EHBP1: variants seen among roughly 807,000 people sequenced by gnomAD.
EHBP1 encodes the protein EH domain binding protein 1, also known as EH domain-binding protein 1.
A neutral mutation model predicts 144.0 loss-of-function variants in EHBP1; 55 were observed. The ratio of observed to expected loss-of-function variants is 0.38; its 90% CI spans 0.31 to 0.48. The LOEUF is 0.48. Ranked by LOEUF, EHBP1 falls within the 20% of genes least tolerant of loss-of-function variation. EHBP1 has a pLI of 0.98. For missense variants in EHBP1, 1,200 were observed against 1,364.2 expected, an observed-to-expected ratio of 0.88 and a Z score of 1.90; for synonymous variants, 469 against 472.7, an observed-to-expected ratio of 0.99 and a Z score of 0.10.
chr2:62,731,672 T>C (rs1437046804), intron 2 of EHBP1, among the ~76,000 whole-genome samples: 3 of 152,214 alleles, frequency 2.0e-5, no homozygotes, highest in Admixed American at 2.0e-4. Flanking sequence ...TTTTCTTCTT[T>C]AGCCTGTTGA....
intron 2 of EHBP1, among the ~76,000 whole-genome samples, chr2:62,712,219 C>G (rs1236436646): frequency 6.6e-6 from 1 of 152,060 alleles, no homozygotes; most frequent in Non-Finnish European, 1.5e-5. Flanking sequence ...TTCATTGTTA[C>G]AAGGGGAGAA....
intron 1 of EHBP1, among the ~76,000 whole-genome samples, chr2:62,690,698 G>T (rs550478106): frequency 2.6e-5 from 4 of 152,144 alleles, no homozygotes; most frequent in African/African-American, 9.6e-5. Flanking sequence ...TCCTACCAGG[G>T]AGACAAAGTC....
At chr2:62,788,012 A>G (rs2042931903) in intron 5 of EHBP1, among the ~76,000 whole-genome samples, 1 of 152,182 alleles carries the variant, frequency 6.6e-6, no homozygotes, top group Non-Finnish European at 1.5e-5. Flanking sequence ...TGTGTTTTAG[A>G]TAGAAGGCTT....
intron 4 of EHBP1, among the ~76,000 whole-genome samples, chr2:62,766,227 A>G (rs536741407): frequency 6.6e-6 from 1 of 152,312 alleles, no homozygotes; most frequent in African/African-American, 2.4e-5. Flanking sequence ...CTGAGTTGGT[A>G]CTCATATGGT....
chr2:62,968,381 A>C (rs554325079), intron 14 of EHBP1, among the ~76,000 whole-genome samples: 16 of 152,196 alleles, frequency 1.1e-4, no homozygotes, highest in Non-Finnish European at 2.2e-4. Context: ...ATGTCATTTC[A>C]GTACCTGAAC....
intron 3 of EHBP1, among the ~76,000 whole-genome samples, chr2:62,756,486 A>T (rs1042877032): frequency 6.6e-6 from 1 of 152,102 alleles, no homozygotes; most frequent in Non-Finnish European, 1.5e-5. Flanking sequence ...ATGCTGTTTT[A>T]GGCTGCGCGT....
chr2:62,728,822 T>C (rs758319456), intron 2 of EHBP1, among the ~76,000 whole-genome samples: 6 of 152,060 alleles, frequency 3.9e-5, no homozygotes, highest in Admixed American at 1.3e-4. Flanking sequence ...TTCTTAGACT[T>C]TGCCTAACCC....
intron 18 of EHBP1, among the ~76,000 whole-genome samples, chr2:62,994,792 G>C (rs2059565799): frequency 6.6e-6 from 1 of 151,990 alleles, no homozygotes; most frequent in Non-Finnish European, 1.5e-5. Flanking sequence ...ATTTTAAGTT[G>C]TTTACTTTAG....
At chr2:63,038,716 A>G in intron 20 of EHBP1, 27 bp from the exon 21 acceptor site, 2 of 1,602,130 alleles carry the variant, frequency 1.2e-6, no homozygotes, top group African/African-American at 2.7e-5. Flanking sequence ...TAATTAGCAT[A>G]TTGATGAACT....
chr2:62,816,752 G>A (rs945903803), intron 5 of EHBP1, among the ~76,000 whole-genome samples: 2 of 152,106 alleles, frequency 1.3e-5, no homozygotes, highest in African/African-American at 4.8e-5. Flanking sequence ...TAATGTTTCT[G>A]GCATCTGATT....
In EHBP1 at chr2:62,864,721, T is replaced by G; in HGVS notation, c.758-10T>G. ...TCATGTGATTTAATTCATCTGCTAT[T>G]ATTTTATAGAACCTATCACTGAAAC... On this transcript the variant is annotated splice_polypyrimidine_tract_variant and intron_variant, in intron 8 of 22. Transcript: ENST00000431489. The G allele has an allele frequency of 6.3e-7, 1 of 1,597,420 alleles. No homozygotes were observed. The highest frequency in any genetic ancestry group is 8.5e-7 in the Non-Finnish European group (1 of 1,173,676).
chr2:62,852,856 C>T (rs1490651893), intron 7 of EHBP1, among the ~76,000 whole-genome samples: 1 of 152,046 alleles, frequency 6.6e-6, no homozygotes, highest in African/African-American at 2.4e-5. Flanking sequence ...AGCTAGGTTA[C>T]CTTGAGTCAG....
intron 19 of EHBP1, among the ~76,000 whole-genome samples, chr2:63,007,717 T>G (rs1301373998): frequency 6.6e-6 from 1 of 151,826 alleles, no homozygotes; most frequent in Non-Finnish European, 1.5e-5. Context: ...TTATGGTTCC[T>G]CTACCCACAC....
intron 9 of EHBP1, among the ~76,000 whole-genome samples, chr2:62,870,204 C>T (rs1405529770): frequency 2.6e-5 from 4 of 152,032 alleles, no homozygotes; most frequent in African/African-American, 9.7e-5. Context: ...AATGTTATCT[C>T]TCTATTGTGC....
intron 5 of EHBP1, among the ~76,000 whole-genome samples, chr2:62,810,332 T>C (rs1475256762): frequency 2.0e-5 from 3 of 152,196 alleles, no homozygotes; most frequent in Non-Finnish European, 2.9e-5. Flanking sequence ...AAGGGAGACA[T>C]GTCCAGAGGC....
intron 3 of EHBP1, among the ~76,000 whole-genome samples, chr2:62,748,722 A>C (rs1051797842): frequency 6.6e-6 from 1 of 152,126 alleles, no homozygotes; most frequent in African/African-American, 2.4e-5. Flanking sequence ...AATGACCACA[A>C]GAATGTTTAT....
intron 3 of EHBP1, among the ~76,000 whole-genome samples, chr2:62,750,589 A>G (rs2039596572): frequency 6.6e-6 from 1 of 152,164 alleles, no homozygotes; most frequent in South Asian, 2.1e-4. Context: ...GGCCATTTTC[A>G]TGATATTCAT....
intron 10 of EHBP1, among the ~76,000 whole-genome samples, chr2:62,904,340 C>G (rs2152955666): frequency 6.6e-6 from 1 of 152,330 alleles, no homozygotes; most frequent in South Asian, 2.1e-4. Context: ...TACATGCCTT[C>G]TCTTCCATTC....
At chr2:62,862,019 C>T (rs1463332573) in intron 8 of EHBP1, among the ~76,000 whole-genome samples, 3 of 152,000 alleles carry the variant, frequency 2.0e-5, no homozygotes, top group African/African-American at 7.2e-5. Context: ...TCTCTCTTCC[C>T]TTATGGAGAA....
Sources: gnomAD v4.1 joint callset for allele counts (sites outside exome capture counted in the v4.1 genomes callset) on GRCh38, gnomAD v4.1.1 for gene constraint, MANE v1.5 for transcripts, NCBI Gene and HGNC (gene_info 2026-07-23, HGNC 2026-07-21) for gene names.